DSCAM: variants seen among roughly 807,000 people sequenced by gnomAD.
DSCAM encodes DS cell adhesion molecule.
DSCAM carries 47 observed loss-of-function variants against 217.7 expected under a neutral mutation model. The ratio of observed to expected loss-of-function variants is 0.22; its 90% CI spans 0.17 to 0.28. The LOEUF is 0.28. Among genes scored for constraint, DSCAM ranks in the 10% least tolerant of loss-of-function variants. DSCAM has a pLI of 1.00. For synonymous variants in DSCAM, 1,056 were observed against 1,015.3 expected, an observed-to-expected ratio of 1.04 and a Z score of -0.76; for missense variants, 2,080 against 2,618.3, an observed-to-expected ratio of 0.79 and a Z score of 4.49.
At chr21:40,679,094 G>A (rs1265187859) in intron 3 of DSCAM, among the ~76,000 whole-genome samples, 1 of 152,190 alleles carries the variant, frequency 6.6e-6, no homozygotes, top group Non-Finnish European at 1.5e-5. Flanking sequence ...GCCCCTGATT[G>A]GCCAACACAG....
intron 20 of DSCAM, among the ~76,000 whole-genome samples, chr21:40,106,302 G>T (rs556194908): frequency 2.0e-4 from 30 of 152,300 alleles, no homozygotes; most frequent in Admixed American, 5.9e-4. Context: ...TACAATTCAA[G>T]AAGAGATTTG....
chr21:40,561,492 G>C (rs978914735), intron 3 of DSCAM, among the ~76,000 whole-genome samples: 1 of 152,102 alleles, frequency 6.6e-6, no homozygotes, highest in Non-Finnish European at 1.5e-5. Context: ...ATGGTGACAG[G>C]CCACTGGTTC....
At chr21:40,817,047 T>C (rs977211919) in intron 1 of DSCAM, among the ~76,000 whole-genome samples, 4 of 151,960 alleles carry the variant, frequency 2.6e-5, no homozygotes, top group African/African-American at 4.8e-5. Flanking sequence ...AGCCAAATAA[T>C]GGGTTATTCT....
At chr21:40,305,728 G>T (rs1268639985) in intron 9 of DSCAM, among the ~76,000 whole-genome samples, 1 of 152,082 alleles carries the variant, frequency 6.6e-6, no homozygotes, top group Non-Finnish European at 1.5e-5. Context: ...TTTTTCTCAG[G>T]TTTGTCAAAG....
At chr21:40,744,598 G>A (rs2091156310) in intron 1 of DSCAM, among the ~76,000 whole-genome samples, 1 of 152,120 alleles carries the variant, frequency 6.6e-6, no homozygotes, top group Admixed American at 6.5e-5. Flanking sequence ...CCCTAGACTG[G>A]GAAACAATGG....
At chr21:40,202,072 C>A (rs1036272165) in intron 11 of DSCAM, among the ~76,000 whole-genome samples, 1 of 152,132 alleles carries the variant, frequency 6.6e-6, no homozygotes, top group African/African-American at 2.4e-5. Context: ...TGATCACTTG[C>A]TCCAGGGAAG....
intron 18 of DSCAM, among the ~76,000 whole-genome samples, chr21:40,139,531 T>C (rs2090262813): frequency 6.6e-6 from 1 of 152,044 alleles, no homozygotes; most frequent in Admixed American, 6.5e-5. Context: ...TCTATCTCAG[T>C]GAGCAGAGGG....
chr21:40,490,578 G>C (rs2146010579), intron 3 of DSCAM, among the ~76,000 whole-genome samples: 1 of 152,252 alleles, frequency 6.6e-6, no homozygotes, highest in East Asian at 1.9e-4. Flanking sequence ...TCATTCTTGA[G>C]AAAAGATTTG....
intron 16 of DSCAM, among the ~76,000 whole-genome samples, chr21:40,161,092 T>TG (rs1237113853): frequency 6.6e-6 from 1 of 152,180 alleles, no homozygotes; most frequent in Non-Finnish European, 1.5e-5. Context: ...GAGTAGCTCT[T>TG]GCAAATGCAG....
chr21:40,518,232 C>G (rs1465487139), intron 3 of DSCAM, among the ~76,000 whole-genome samples: 1 of 142,772 alleles, frequency 7.0e-6, no homozygotes, highest in African/African-American at 2.6e-5. Flanking sequence ...GCAAGAGACC[C>G]TGAAGGCCTG....
At chr21:40,769,093 C>T (rs1323982306) in intron 1 of DSCAM, among the ~76,000 whole-genome samples, 1 of 148,170 alleles carries the variant, frequency 6.7e-6, no homozygotes, top group Non-Finnish European at 1.5e-5. Flanking sequence ...CTGAAAGGCT[C>T]ATGGGGGCCC....
chr21:40,309,596 A>G (rs981755319), intron 9 of DSCAM, among the ~76,000 whole-genome samples: 7 of 152,102 alleles, frequency 4.6e-5, no homozygotes, highest in Non-Finnish European at 8.8e-5. Flanking sequence ...CCCCTTGTCA[A>G]TACCGTTCTT....
chr21:40,223,305 G>A (rs2091304088), intron 11 of DSCAM, among the ~76,000 whole-genome samples: 2 of 152,200 alleles, frequency 1.3e-5, no homozygotes, highest in Admixed American at 1.3e-4. Flanking sequence ...CCCATCACTT[G>A]AGCCTGAGAG....
At chr21:40,466,945 A>ATTT (rs980255083) in intron 3 of DSCAM, among the ~76,000 whole-genome samples, 17 of 152,166 alleles carry the variant, frequency 1.1e-4, no homozygotes, top group Admixed American at 3.3e-4. Flanking sequence ...ATGCAATTAC[A>ATTT]TTTTTTTCTT....
At chr21:40,525,989 C>G (rs2076397384) in intron 3 of DSCAM, among the ~76,000 whole-genome samples, 2 of 152,114 alleles carry the variant, frequency 1.3e-5, no homozygotes, top group Admixed American at 1.3e-4. Context: ...GGACTGAACC[C>G]CAGTTTCCCA....
intron 3 of DSCAM, among the ~76,000 whole-genome samples, chr21:40,673,533 T>C (rs1250980869): frequency 6.6e-6 from 1 of 152,216 alleles, no homozygotes; most frequent in African/African-American, 2.4e-5. Flanking sequence ...AATTATATTC[T>C]ATAGAATAAC....
chr21:40,800,127 C>T (rs752252369), intron 1 of DSCAM, among the ~76,000 whole-genome samples: 2 of 152,212 alleles, frequency 1.3e-5, no homozygotes, highest in African/African-American at 2.4e-5. Flanking sequence ...CCTGCACCAC[C>T]TCAGGACTTT....
chr21:40,330,699 C>A (rs1441749547), intron 8 of DSCAM, among the ~76,000 whole-genome samples: 2 of 152,006 alleles, frequency 1.3e-5, no homozygotes, highest in Non-Finnish European at 2.9e-5. Context: ...GGTAGCTGAG[C>A]CAATGCATCC....
At chr21:40,739,450 G>A (rs1487929478) in intron 1 of DSCAM, among the ~76,000 whole-genome samples, 1 of 152,218 alleles carries the variant, frequency 6.6e-6, no homozygotes, top group South Asian at 2.1e-4. Context: ...CTAGATGCTA[G>A]AAGTCCAGGA....
Sources: gnomAD v4.1 joint callset for allele counts (sites outside exome capture counted in the v4.1 genomes callset) on GRCh38, gnomAD v4.1.1 for gene constraint, MANE v1.5 for transcripts, NCBI Gene and HGNC (gene_info 2026-07-23, HGNC 2026-07-21) for gene names.